KCNK2: variants seen among roughly 807,000 people sequenced by gnomAD.
KCNK2 encodes potassium two pore domain channel subfamily K member 2.
In KCNK2, 21 loss-of-function variants were observed where a neutral mutation model predicts 40.5. That is an observed-to-expected ratio of 0.52 (90% CI 0.37 to 0.75). KCNK2 has a LOEUF of 0.75. Among genes scored for constraint, KCNK2 ranks in the 30% least tolerant of loss-of-function variants. The probability of loss-of-function intolerance (pLI) is 0.00; values close to 1 mark genes in which losing one functional copy is unlikely to be tolerated. For synonymous variants in KCNK2, 191 were observed against 202.2 expected (o/e 0.94, Z 0.47); for missense variants, 399 against 531.6 (o/e 0.75, Z 2.45).
rs1020375298 is a variant in KCNK2 at position 215,153,538 on chromosome 1, C to T, written c.476-15661C>T. ...TCATTAGGCCTTTGCATGCTGTTTA[C>T]GTTCTTCTTTCGATATATAGCGTTG... is the stretch of plus-strand genomic sequence containing the variant. On this transcript the variant is annotated intron_variant, in intron 3 of 6. Transcript: ENST00000444842. Among the ~76,000 whole-genome samples the T allele has an allele frequency of 5.3e-5, 8 of 150,188 alleles. 1 individual carries two copies. The Middle Eastern group carries it at 0.01, about 193-fold the overall frequency.
intron 2 of KCNK2, among the ~76,000 whole-genome samples, chr1:215,088,442 G>A (rs1558085075): frequency 6.6e-6 from 1 of 152,062 alleles, no homozygotes; most frequent in African/African-American, 2.4e-5. Flanking sequence ...AAGTGTTTCG[G>A]TGCTCAGAAA....
At position 215,086,653 on chromosome 1, in the gene KCNK2, C is replaced by G; in HGVS notation, c.332C>G (p.Ser111Trp). Residue 111 changes from serine to tryptophan, a missense_variant, in exon 2 of 7, where the codon TCG (serine) becomes TGG (tryptophan). By Grantham distance (177) the Ser-to-Trp change is radical (BLOSUM62 -3). Around this residue, in one of 3 missense-constraint regions of KCNK2, gnomAD observed 279 missense variants for 353.8 expected, o/e 0.79. Coordinates refer to ENST00000444842, the MANE Select transcript of KCNK2 (RefSeq NM_001017425.3). ...ATATCCCAACATTCCTGTGTCAATT[C>G]GACGGAGCTGGATGAACTCATTCAG... is the stretch of plus-strand genomic sequence containing the variant. ...TFISQHSCVN[S>W]TELDELIQQI... 6.2e-7 allele frequency: 1 copy of G among 1,613,976 alleles called. No homozygotes were observed. The highest frequency in any genetic ancestry group is 8.5e-7 in the Non-Finnish European group (1 of 1,179,872).
At chr1:215,233,717 A>T (rs975578088) in intron 6 of KCNK2, among the ~76,000 whole-genome samples, 3 of 152,218 alleles carry the variant, frequency 2.0e-5, no homozygotes, top group Non-Finnish European at 4.4e-5. Context: ...AAATGAGTTC[A>T]GTGGGTTTCC....
At chr1:215,119,342 A>G (rs1661080651) in intron 2 of KCNK2, among the ~76,000 whole-genome samples, 1 of 152,222 alleles carries the variant, frequency 6.6e-6, no homozygotes, top group Non-Finnish European at 1.5e-5. Flanking sequence ...TTTACAATTT[A>G]CAATTCAAAA....
At chr1:215,192,139 T>C (rs1054118463) in intron 5 of KCNK2, among the ~76,000 whole-genome samples, 7 of 152,184 alleles carry the variant, frequency 4.6e-5, no homozygotes, top group African/African-American at 1.7e-4. Context: ...ACATCACAGA[T>C]ATGTTAATTT....
intron 3 of KCNK2, among the ~76,000 whole-genome samples, chr1:215,125,248 G>A (rs754434528): frequency 1.3e-4 from 20 of 151,672 alleles, no homozygotes; most frequent in African/African-American, 2.4e-4. Flanking sequence ...TATTTTGCCC[G>A]TAGCACATAT....
At chr1:215,208,588 A>C (rs1020557299) in intron 6 of KCNK2, among the ~76,000 whole-genome samples, 4 of 152,114 alleles carry the variant, frequency 2.6e-5, no homozygotes, top group Admixed American at 2.6e-4. Flanking sequence ...TAGTTTTGCT[A>C]TTTTCATAAG....
chr1:215,180,398 TGTAGTTGTCAGTTG>T (rs755079160), intron 5 of KCNK2, among the ~76,000 whole-genome samples: 73 of 152,274 alleles, frequency 4.8e-4, no homozygotes, highest in Non-Finnish European at 9.7e-4. Context: ...GATCCGATTA[TGTAGTTGTCAGTTG>T]GTTGCTTTGT....
At chr1:215,162,469 G>C (rs1663244264) in intron 3 of KCNK2, among the ~76,000 whole-genome samples, 1 of 152,064 alleles carries the variant, frequency 6.6e-6, no homozygotes, top group African/African-American at 2.4e-5. Flanking sequence ...CATTGCTTTT[G>C]GTGTTTTAGT....
chr1:215,072,059 C>T (rs534585437), intron 1 of KCNK2, among the ~76,000 whole-genome samples: 1 of 152,304 alleles, frequency 6.6e-6, no homozygotes, highest in Non-Finnish European at 1.5e-5. Flanking sequence ...ACACTATTTA[C>T]ACTTTACTCC....
rs376909253 is a variant in KCNK2 at position 215,203,160 on chromosome 1, T to G, written c.963+8068T>G. Among the ~76,000 whole-genome samples the G allele has an allele frequency of 1.1e-4, 17 of 152,334 alleles. 1 individual carries two copies. The South Asian group carries it at 3.5e-3, about 32-fold the overall frequency. On this transcript the variant is annotated intron_variant, in intron 6 of 6. Coordinates refer to ENST00000444842, the MANE Select transcript of KCNK2 (RefSeq NM_001017425.3). ...GGATTTTTGTATTTAATTTGGTTAC[T>G]AATTATTTATGGTATAGATCAGTGA...
chr1:215,186,581 C>A (rs1305494832), intron 5 of KCNK2, among the ~76,000 whole-genome samples: 1 of 152,144 alleles, frequency 6.6e-6, no homozygotes, highest in Non-Finnish European at 1.5e-5. Flanking sequence ...ATTTAGAGAT[C>A]ACCGGTGCAG....
intron 3 of KCNK2, among the ~76,000 whole-genome samples, chr1:215,158,864 A>C (rs1330795807): frequency 6.6e-6 from 1 of 152,196 alleles, no homozygotes; most frequent in African/African-American, 2.4e-5. Flanking sequence ...CAGTGAACCC[A>C]TGTCAAAATA....
chr1:215,169,409 A>G (rs529544524), intron 4 of KCNK2, 50 bp downstream of exon 4: 1 of 1,395,424 alleles, frequency 7.2e-7, no homozygotes, highest in Non-Finnish European at 9.8e-7. Flanking sequence ...TGATTTTTTT[A>G]AAAAATTATA....
At chr1:215,149,329 C>T (rs1662581619) in intron 3 of KCNK2, among the ~76,000 whole-genome samples, 1 of 152,016 alleles carries the variant, frequency 6.6e-6, no homozygotes, top group African/African-American at 2.4e-5. Flanking sequence ...TAAACATAAT[C>T]AAATGGTGGT....
chr1:215,229,650 T>C (rs1666535720), intron 6 of KCNK2, among the ~76,000 whole-genome samples: 1 of 151,602 alleles, frequency 6.6e-6, no homozygotes, highest in South Asian at 2.1e-4. Flanking sequence ...AGTGAAACCC[T>C]GTCTCAAAAC....
chr1:215,214,405 A>C (rs1665874027), intron 6 of KCNK2, among the ~76,000 whole-genome samples: 1 of 152,194 alleles, frequency 6.6e-6, no homozygotes, highest in Non-Finnish European at 1.5e-5. Flanking sequence ...CCCACCACCA[A>C]CACTGGAAAT....
rs140331844 is a variant in KCNK2, at chr1:215,024,871, A to G, written c.34+18916A>G. ...AGCTAACAAATTTAATAGCCTGTGG[A>G]CTAAACTACATCTTTCTTCTTGCTC... On this transcript the variant is annotated intron_variant, in intron 1 of 6. Coordinates refer to the KCNK2 transcript ENST00000391895. Among the ~76,000 whole-genome samples, 1,033 of 152,116 alleles carry G rather than the reference A, an allele frequency of 6.8e-3. 12 individuals are homozygous for G. Among genetic ancestry groups the G allele is most frequent in the African/African-American group, 0.024 (998 of 41,510 alleles).
chr1:215,134,789 G>A (rs557424510), intron 3 of KCNK2, among the ~76,000 whole-genome samples: 30 of 151,998 alleles, frequency 2.0e-4, no homozygotes, highest in Non-Finnish European at 3.7e-4. Flanking sequence ...CAAGAACCAG[G>A]ATCAAAGACC....
Sources: gnomAD v4.1 joint callset for allele counts (sites outside exome capture counted in the v4.1 genomes callset) on GRCh38, gnomAD v4.1.1 for gene constraint, gnomAD v4.1.1 regional missense constraint, MANE v1.5 for transcripts, NCBI Gene and HGNC (gene_info 2026-07-23, HGNC 2026-07-21) for gene names.